The following SEC31B variants were observed in gnomAD, a reference collection of about 807,000 sequenced individuals.
SEC31B encodes SEC31 homolog B, COPII component, also known as protein transport protein Sec31B.
SEC31B carries 113 observed loss-of-function variants against 135.0 expected under a neutral mutation model. That is an observed-to-expected ratio of 0.84 (90% CI 0.72 to 0.98). The LOEUF (loss-of-function observed/expected upper bound fraction) is 0.98, where lower values mean the gene tolerates loss of function less well. Ranked by LOEUF, SEC31B falls within the 50% of genes least tolerant of loss-of-function variation. The pLI, the probability that SEC31B is intolerant of heterozygous loss-of-function variation, is 0.00. For missense variants in SEC31B, 1,296 were observed against 1,421.1 expected, an observed-to-expected ratio of 0.91 and a Z score of 1.42; for synonymous variants, 508 against 549.4, an observed-to-expected ratio of 0.92 and a Z score of 1.05.
At chr10:100,497,637 T>C in intron 16 of SEC31B, 30 bp downstream of exon 16, 2 of 1,614,088 alleles carry the variant, frequency 1.2e-6, no homozygotes, top group Non-Finnish European at 1.7e-6. Context: ...AGTCACACCA[T>C]TTCATCCTGA....
At position 100,507,468 on chromosome 10, in the gene SEC31B, G is replaced by GC. The variant is rs1851653644; in HGVS notation, c.738dup (p.Arg247AlafsTer26). ...ACCTTCAAGGGCGAGGAGGCAAAGCGCAAGTCCCACAGCTGAATCACGGGA... is the reference window on the plus strand; with the variant it reads ...ACCTTCAAGGGCGAGGAGGCAAAGCGCCAAGTCCCACAGCTGAATCACGGGA... On this transcript the variant is annotated frameshift_variant, in exon 7 of 26. Coordinates refer to ENST00000370345, the MANE Select transcript of SEC31B (RefSeq NM_015490.4). LOFTEE classifies it high-confidence loss of function. 1.2e-6 allele frequency: 2 copies of GC among 1,614,190 alleles called. No individual in the cohort carries two copies. Among genetic ancestry groups the GC allele is most frequent in the Non-Finnish European group, 1.7e-6 (2 of 1,180,012 alleles).
chr10:100,490,976 A>G (rs1455109160), intron 19 of SEC31B, 93 bp from the exon 20 acceptor site: 13 of 903,658 alleles, frequency 1.4e-5, no homozygotes, highest in Non-Finnish European at 1.8e-5. Flanking sequence ...AATGAAACAA[A>G]AACTAGTTCT....
At chr10:100,507,590 T>A (rs1363850025) in intron 6 of SEC31B, 23 bp from the exon 7 acceptor site, 1 of 1,613,822 alleles carries the variant, frequency 6.2e-7, no homozygotes, top group Admixed American at 1.7e-5. Context: ...CAGATCCCAA[T>A]GGGTGCTGTA....
At position 100,508,229 on chromosome 10, in the gene SEC31B, A is replaced by G. The variant is rs554100107; in HGVS notation, c.496-178T>C. On this transcript the variant is annotated intron_variant, in intron 5 of 25. Transcript: ENST00000370345. ...TTTTCCAGGGAGGATCCTTTAGGGT[A>G]TCAGTGTAGAAGCAGAGGGGATGGC... 2.0e-5 allele frequency among the ~76,000 whole-genome samples: 3 copies of G among 152,328 alleles called. No homozygotes were observed. In the South Asian group the frequency reaches 6.2e-4, roughly 32 times the overall value.
Position 100,498,700 on chromosome 10 carries a change from G to A in SEC31B, c.1684+5C>T, listed in dbSNP as rs750003116. The stretch of plus-strand genomic sequence containing the variant: ...GACTCTCCCTCTCCCTCAGGGTCAG[G>A]GTACCTTTTGTGATGGGGATCTCCC... On this transcript the variant is annotated splice_donor_5th_base_variant and intron_variant, in intron 14 of 25. Transcript: ENST00000370345. The A allele has an allele frequency of 1.9e-6, 3 of 1,605,110 alleles. No homozygotes were observed. The highest frequency in any genetic ancestry group is 2.7e-5 in the African/African-American group (2 of 74,670).
intron 14 of SEC31B, 129 bp downstream of exon 14, chr10:100,498,576 C>G: frequency 1.5e-6 from 1 of 676,236 alleles, no homozygotes; most frequent in Non-Finnish European, 2.6e-6. Context: ...GTAAGCGACT[C>G]ACTCAGCATT....
Position 100,487,507 on chromosome 10 carries a change from G to C in SEC31B, c.*109C>G. ...TACAGCATCACATACCTGGCAGCAA[G>C]GAAAAGAGTCGGGAAAAAGAAACAG... On this transcript the variant is annotated 3_prime_UTR_variant, in exon 26 of 26. Coordinates refer to ENST00000370345, the MANE Select transcript of SEC31B (RefSeq NM_015490.4). The C allele has an allele frequency of 2.0e-5, 22 of 1,098,194 alleles. No homozygotes were observed. Among genetic ancestry groups the C allele is most frequent in the Non-Finnish European group, 2.9e-5 (22 of 768,518 alleles). 68.0% of individuals were successfully genotyped at this position (1,098,194 alleles called of 1,614,324 possible).
intron 24 of SEC31B, 44 bp downstream of exon 24, chr10:100,488,814 G>A (rs368883238): frequency 6.5e-7 from 1 of 1,531,656 alleles, no homozygotes; most frequent in African/African-American, 1.4e-5. Flanking sequence ...CCTGGAGCCA[G>A]CGAGGGGTGC....
In SEC31B at chr10:100,508,996, G is replaced by A. The variant is rs778002597; in HGVS notation, c.495+11C>T. 9 of 1,607,018 alleles carry A rather than the reference G, an allele frequency of 5.6e-6. No homozygotes were observed. The highest frequency in any genetic ancestry group is 8.5e-7 in the Non-Finnish European group (1 of 1,173,682). On this transcript the variant is annotated intron_variant, in intron 5 of 25. Transcript: ENST00000370345. The stretch of plus-strand genomic sequence containing the variant: ...CACACTCCAGGGTTGGGTAGTGGGG[G>A]TGCTGCTCACCTGTGACTTGGATCC...
rs1270142178 is a variant in SEC31B at position 100,497,217 on chromosome 10, C to T, written c.2054G>A (p.Cys685Tyr). The part of the protein sequence containing the change: ...SRALTSEARL[C>Y]YVCSGSVERL... Reference sequence around the variant, plus strand: ...CTCCACACTCCCTGAGCACACATAACAGAGTCTGGCTTCGGAGGTTAGTGC... The same window carrying T: ...CTCCACACTCCCTGAGCACACATAATAGAGTCTGGCTTCGGAGGTTAGTGC... The change falls in exon 17 of 26, where the codon TGT (cysteine) becomes TAT (tyrosine). Residue 685 changes from cysteine to tyrosine, a missense_variant. Transcript: ENST00000370345. The T allele has an allele frequency of 2.5e-6, 4 of 1,614,252 alleles. No homozygotes were observed. The East Asian group carries it at 8.9e-5, about 36-fold the overall frequency.
intron 2 of SEC31B, among the ~76,000 whole-genome samples, chr10:100,516,648 CAAAAAAAA>C (rs59172062): frequency 8.8e-4 from 42 of 47,524 alleles, no homozygotes; most frequent in African/African-American, 2.9e-3. Flanking sequence ...GACTCTGTCT[CAAAAAAAA>C]AAAAAAAAAA....
intron 19 of SEC31B, 136 bp from the exon 20 acceptor site, chr10:100,491,019 T>C (rs1271882376): frequency 1.9e-6 from 1 of 524,570 alleles, no homozygotes; most frequent in Non-Finnish European, 3.0e-6. Flanking sequence ...TTGATAAACA[T>C]CTAAAAACTG....
chr10:100,489,877 C>T, intron 21 of SEC31B, 116 bp from the exon 22 acceptor site: 1 of 1,556,774 alleles, frequency 6.4e-7, no homozygotes, highest in East Asian at 2.3e-5. Flanking sequence ...CCTCTGCAGA[C>T]CATCTACACT....
chr10:100,510,872 T>C (rs1318423099), intron 3 of SEC31B, among the ~76,000 whole-genome samples: 1 of 152,230 alleles, frequency 6.6e-6, no homozygotes, highest in Non-Finnish European at 1.5e-5. Context: ...GAAGGATGTT[T>C]TTCCATACAG....
chr10:100,519,837 G>A lies in SEC31B; in HGVS notation c.-101C>T, dbSNP rs540040440. ...CGCGGCGGCCGGAGCCGCTCCTCTG[G>A]CAGGGCTCTCGCGCGGAGCCGGGCG... On this transcript the variant is annotated 5_prime_UTR_variant, in exon 1 of 26. Coordinates refer to ENST00000370345, the MANE Select transcript of SEC31B (RefSeq NM_015490.4). 1 of 152,426 alleles carries A rather than the reference G, an allele frequency of 6.6e-6. No homozygotes were observed. The highest frequency in any genetic ancestry group is 1.5e-5 in the Non-Finnish European group (1 of 68,104). The allele number at this position is 152,426 out of a possible 1,614,324, so 9.4% of individuals were successfully genotyped here.
intron 19 of SEC31B, among the ~76,000 whole-genome samples, chr10:100,493,407 C>T (rs528050080): frequency 6.6e-6 from 1 of 151,994 alleles, no homozygotes; most frequent in South Asian, 2.1e-4. Context: ...GGTACATTCA[C>T]ACCATGGAAT....
At chr10:100,500,168 G>A in intron 11 of SEC31B, 2 of 456,640 alleles carry the variant, frequency 4.4e-6, no homozygotes, top group South Asian at 3.1e-5. Flanking sequence ...GGCTGAAGAA[G>A]AGAACTCTGA....
At chr10:100,497,975 C>T in intron 15 of SEC31B, 54 bp downstream of exon 15, 3 of 1,603,704 alleles carry the variant, frequency 1.9e-6, no homozygotes, top group Non-Finnish European at 2.6e-6. Context: ...GGGTATCCAC[C>T]TCACAAGGTC....
At position 100,507,423 on chromosome 10, in the gene SEC31B, AC is replaced by A. The variant is rs1470920161; in HGVS notation, c.782+1del. ...GGATATGGATGACGTCTGAGATGCTACCTGCTGTGGCTCTCCAGCACCTTCA... is the reference window on the plus strand; with the variant it reads ...GGATATGGATGACGTCTGAGATGCTACTGCTGTGGCTCTCCAGCACCTTCA... On this transcript the variant is annotated splice_donor_variant, in intron 7 of 25. Coordinates refer to ENST00000370345, the MANE Select transcript of SEC31B (RefSeq NM_015490.4). LOFTEE classifies it high-confidence loss of function. The A allele has an allele frequency of 6.2e-7, 1 of 1,614,080 alleles. No homozygotes were observed. Among genetic ancestry groups the A allele is most frequent in the African/African-American group, 1.3e-5 (1 of 74,934 alleles).
Sources: allele counts gnomAD v4.1 joint callset (sites outside exome capture counted in the v4.1 genomes callset), GRCh38; gene constraint gnomAD v4.1.1; transcripts MANE v1.5; gene names NCBI Gene and HGNC (gene_info 2026-07-23, HGNC 2026-07-21).